Variants in ATF6 observed in about 807,000 individuals in gnomAD.
The protein encoded by ATF6 is cyclic AMP-dependent transcription factor ATF-6 alpha.
ATF6 carries 53 observed loss-of-function variants against 83.6 expected under a neutral mutation model. That is an observed-to-expected ratio of 0.63 (90% CI 0.51 to 0.80). The LOEUF (loss-of-function observed/expected upper bound fraction) is 0.80. ATF6 is among the 30% of genes least tolerant of loss of function. ATF6 has a pLI of 0.00. For synonymous variants in ATF6, 288 were observed against 285.8 expected (o/e 1.01, Z -0.08); for missense variants, 744 against 797.9 (o/e 0.93, Z 0.81).
At chr1:161,830,600 A>T (rs1686030379) in intron 9 of ATF6, among the ~76,000 whole-genome samples, 2 of 152,216 alleles carry the variant, frequency 1.3e-5, no homozygotes, top group Non-Finnish European at 1.5e-5. Context: ...CAAAACAGAG[A>T]TATAGACCAA....
At chr1:161,845,227 T>C (rs550814948) in intron 9 of ATF6, among the ~76,000 whole-genome samples, 1 of 152,170 alleles carries the variant, frequency 6.6e-6, no homozygotes, top group African/African-American at 2.4e-5. Context: ...CAAACTACTA[T>C]TATCTCAAAG....
intron 14 of ATF6, among the ~76,000 whole-genome samples, chr1:161,892,971 G>A (rs1466087543): frequency 6.6e-6 from 1 of 151,882 alleles, no homozygotes; most frequent in Non-Finnish European, 1.5e-5. Flanking sequence ...ATGTGGCTTT[G>A]TGTTCTTTTG....
At chr1:161,807,865 CTTTTTT>C (rs761462420) in intron 7 of ATF6, among the ~76,000 whole-genome samples, 5 of 32,342 alleles carry the variant, frequency 1.5e-4, no homozygotes, top group African/African-American at 5.7e-4. Flanking sequence ...AGTTTGTCAT[CTTTTTT>C]TTTTTTTTTT....
intron 1 of ATF6, 99 bp from the exon 2 acceptor site, chr1:161,778,145 T>C: frequency 2.4e-6 from 2 of 827,164 alleles, no homozygotes; most frequent in Non-Finnish European, 3.8e-6. Flanking sequence ...TAATGGCTAA[T>C]GAGAAACCTT....
At position 161,910,504 on chromosome 1, in the gene ATF6, C is replaced by G. The variant is rs1404126155; in HGVS notation, c.1720-1792C>G. Among the ~76,000 whole-genome samples the G allele has an allele frequency of 1.7e-4, 26 of 152,116 alleles. 1 individual carries two copies. ...AAGAAAAAGTAGGAGACATTGTGTT[C>G]AGAAGATCATGTTTAAAAACAACAA... On this transcript the variant is annotated intron_variant, in intron 14 of 15. Coordinates refer to ENST00000367942, the MANE Select transcript of ATF6 (RefSeq NM_007348.4).
chr1:161,936,664 T>A (rs1011982248), intron 15 of ATF6, among the ~76,000 whole-genome samples: 2 of 152,228 alleles, frequency 1.3e-5, no homozygotes, highest in East Asian at 3.8e-4. Context: ...CACTTGGCTA[T>A]GCACTTAATC....
rs71798307 is a variant in ATF6 at position 161,920,294 on chromosome 1, C to CTT, written c.1804+7931_1804+7932dup. On this transcript the variant is annotated intron_variant, in intron 15 of 15. Transcript: ENST00000367942. ...TAGTTCTCTTTCTCTCTCTCTCTCT[C>CTT]TTTTTTTTTTTTTTTTTTGAGACAG... Among the ~76,000 whole-genome samples, 226 of 54,820 alleles carry CTT rather than the reference C, an allele frequency of 4.1e-3. 44 individuals are homozygous for CTT. The highest frequency in any genetic ancestry group is 0.013 in the African/African-American group (173 of 13,466). 36.0% of individuals were successfully genotyped at this position (54,820 alleles called of 152,430 possible). A position where few individuals can be genotyped will look rare whatever the true frequency, so the allele number is the denominator to read the frequency against.
chr1:161,783,002 A>T (rs555627269), intron 3 of ATF6, among the ~76,000 whole-genome samples: 47 of 152,228 alleles, frequency 3.1e-4, no homozygotes, highest in South Asian at 1.7e-3. Context: ...AATCATCTTG[A>T]GGTTTCTTCA....
intron 6 of ATF6, among the ~76,000 whole-genome samples, chr1:161,797,001 T>G (rs185667728): frequency 5.3e-3 from 800 of 152,268 alleles, no homozygotes; most frequent in Non-Finnish European, 9.2e-3. Context: ...TATTAAAACC[T>G]AACACTTGGT....
At chr1:161,892,986 G>A (rs934932734) in intron 14 of ATF6, among the ~76,000 whole-genome samples, 1 of 151,886 alleles carries the variant, frequency 6.6e-6, no homozygotes, top group East Asian at 1.9e-4. Context: ...CTTTTGCTAC[G>A]TCGTTGAGGG....
intron 9 of ATF6, among the ~76,000 whole-genome samples, chr1:161,838,903 A>G (rs1005653810): frequency 2.0e-5 from 3 of 152,208 alleles, no homozygotes; most frequent in Non-Finnish European, 4.4e-5. Context: ...CCCAGTTACT[A>G]CTAGGCTGCA....
At chr1:161,850,394 T>G (rs148916433) in intron 10 of ATF6, among the ~76,000 whole-genome samples, 3 of 152,080 alleles carry the variant, frequency 2.0e-5, no homozygotes, top group Admixed American at 1.3e-4. Context: ...CTTACCCCAG[T>G]TTCTATAGAG....
intron 12 of ATF6, 95 bp from the exon 13 acceptor site, chr1:161,860,112 G>A: frequency 1.4e-6 from 1 of 732,764 alleles, no homozygotes; most frequent in Non-Finnish European, 2.1e-6. Flanking sequence ...AGCAATGGAA[G>A]TTTAACAAAT....
chr1:161,890,088 A>C lies in ATF6; in HGVS notation c.1720-22208A>C, dbSNP rs1687515527. On this transcript the variant is annotated intron_variant, in intron 14 of 15. Transcript: ENST00000367942. Reference sequence around the variant, plus strand: ...TAAATACTACATTATATCACTTCATACCTTAAAAATGTAGTATTTCCTAGA... The same window carrying C: ...TAAATACTACATTATATCACTTCATCCCTTAAAAATGTAGTATTTCCTAGA... Among the ~76,000 whole-genome samples the C allele has an allele frequency of 2.6e-5, 4 of 152,224 alleles. No individual in the cohort carries two copies. In the South Asian group the frequency reaches 8.3e-4, roughly 32 times the overall value.
chr1:161,875,838 T>G (rs1449731722), intron 14 of ATF6, among the ~76,000 whole-genome samples: 2 of 151,900 alleles, frequency 1.3e-5, no homozygotes, highest in Non-Finnish European at 2.9e-5. Flanking sequence ...TTTCCCATTT[T>G]GTCGTACAGA....
intron 14 of ATF6, among the ~76,000 whole-genome samples, chr1:161,887,405 C>T (rs1022178977): frequency 2.6e-5 from 4 of 152,086 alleles, no homozygotes; most frequent in African/African-American, 4.8e-5. Context: ...TGCTCACTAC[C>T]AAGTGTTCAT....
chr1:161,880,847 C>T (rs1368284476), intron 14 of ATF6, among the ~76,000 whole-genome samples: 1 of 151,976 alleles, frequency 6.6e-6, no homozygotes, highest in East Asian at 1.9e-4. Context: ...GTGGTTGTAC[C>T]ATTTTACATT....
chr1:161,815,255 G>A (rs568034073), intron 7 of ATF6, among the ~76,000 whole-genome samples: 5 of 140,744 alleles, frequency 3.6e-5, no homozygotes, highest in African/African-American at 8.1e-5. Context: ...ACAGTGATGC[G>A]ATCATGGCTC....
chr1:161,891,649 C>G (rs1024183865), intron 14 of ATF6: 3 of 152,224 alleles, frequency 2.0e-5, no homozygotes, highest in Admixed American at 6.5e-5. Context: ...ATCAAGATCC[C>G]TCGGAGCACC....
Sources: allele counts gnomAD v4.1 joint callset (sites outside exome capture counted in the v4.1 genomes callset), GRCh38; gene constraint gnomAD v4.1.1; transcripts MANE v1.5; gene names NCBI Gene and HGNC (gene_info 2026-07-23, HGNC 2026-07-21).